The following SEM1 variants were observed in gnomAD, a reference collection of about 807,000 sequenced individuals.
SEM1 encodes SEM1 26S proteasome subunit.
SEM1 carries 3 observed loss-of-function variants against 12.7 expected under a neutral mutation model. That is an observed-to-expected ratio of 0.24 (90% CI 0.11 to 0.61). The LOEUF is 0.61. Among genes scored for constraint, SEM1 ranks in the 20% least tolerant of loss-of-function variants. The pLI, the probability that SEM1 is intolerant of heterozygous loss-of-function variation, is 0.88. For synonymous variants in SEM1, 30 were observed against 27.8 expected, an observed-to-expected ratio of 1.08 and a Z score of -0.25; for missense variants, 59 against 81.3, an observed-to-expected ratio of 0.73 and a Z score of 1.06.
At chr7:96,629,298 T>C (rs910858698) in intron 2 of SEM1, among the ~76,000 whole-genome samples, 6 of 152,092 alleles carry the variant, frequency 3.9e-5, no homozygotes, top group Non-Finnish European at 8.8e-5. Context: ...GCAGCTATTT[T>C]CTAGATCCCG....
intron 1 of SEM1, among the ~76,000 whole-genome samples, chr7:96,491,506 G>A (rs1003023824): frequency 1.3e-5 from 2 of 152,092 alleles, no homozygotes; most frequent in East Asian, 1.9e-4. Context: ...TTATTTAGTC[G>A]TAAAGATTCG....
intron 2 of SEM1, among the ~76,000 whole-genome samples, chr7:96,568,507 GT>G (rs1437514002): frequency 3.3e-5 from 5 of 151,626 alleles, no homozygotes; most frequent in Admixed American, 6.6e-5. Flanking sequence ...ATTTCCTCAA[GT>G]TTATTTTATT....
At chr7:96,545,203 G>A (rs377380831) in intron 2 of SEM1, among the ~76,000 whole-genome samples, 46 of 151,886 alleles carry the variant, frequency 3.0e-4, no homozygotes, top group African/African-American at 1.0e-3. Flanking sequence ...TGACTCCCAG[G>A]TCCTGGGGTT....
intron 2 of SEM1, among the ~76,000 whole-genome samples, chr7:96,583,070 G>A (rs1337352171): frequency 1.6e-4 from 25 of 152,102 alleles, no homozygotes; most frequent in Non-Finnish European, 3.1e-4. Flanking sequence ...ATGTTAGGGT[G>A]TCAATTTGGA....
chr7:96,680,090 ACT>A (rs1475122752), intron 2 of SEM1, among the ~76,000 whole-genome samples: 1 of 152,048 alleles, frequency 6.6e-6, no homozygotes, highest in Non-Finnish European at 1.5e-5. Flanking sequence ...GTTGATAAAT[ACT>A]CTGACTCCCC....
At chr7:96,562,100 T>G (rs1464451722) in intron 2 of SEM1, among the ~76,000 whole-genome samples, 1 of 152,200 alleles carries the variant, frequency 6.6e-6, no homozygotes, top group Non-Finnish European at 1.5e-5. Flanking sequence ...AATGACCACA[T>G]GTAATTCATT....
intron 2 of SEM1, among the ~76,000 whole-genome samples, chr7:96,550,339 G>A (rs1005611534): frequency 6.6e-6 from 1 of 152,154 alleles, no homozygotes; most frequent in Non-Finnish European, 1.5e-5. Flanking sequence ...GAATAGCTAA[G>A]TACTATATTA....
intron 2 of SEM1, among the ~76,000 whole-genome samples, chr7:96,514,589 AG>A (rs781084098): frequency 1.4e-4 from 22 of 152,274 alleles, no homozygotes; most frequent in Non-Finnish European, 3.2e-4. Context: ...TTAATATACA[AG>A]TCAGTCACTT....
chr7:96,634,318 T>G (rs1808360751), intron 2 of SEM1, among the ~76,000 whole-genome samples: 1 of 152,138 alleles, frequency 6.6e-6, no homozygotes, highest in Non-Finnish European at 1.5e-5. Context: ...CTTCTATTTC[T>G]GTTTTACTTG....
chr7:96,519,305 A>G (rs1280625034), intron 2 of SEM1, among the ~76,000 whole-genome samples: 1 of 152,044 alleles, frequency 6.6e-6, no homozygotes, highest in Non-Finnish European at 1.5e-5. Context: ...GCGTTGCTTT[A>G]GGCATTTAGG....
intron 2 of SEM1, among the ~76,000 whole-genome samples, chr7:96,596,265 T>G (rs73708365): frequency 2.0e-5 from 3 of 152,238 alleles, no homozygotes; most frequent in Non-Finnish European, 4.4e-5. Context: ...TGGGCTGGCC[T>G]GCCTTACAAC....
intron 2 of SEM1, among the ~76,000 whole-genome samples, chr7:96,569,739 A>G (rs1018027033): frequency 6.6e-6 from 1 of 151,982 alleles, no homozygotes; most frequent in South Asian, 2.1e-4. Flanking sequence ...TCCACTCTAG[A>G]TGTCCATGTT....
At chr7:96,489,923 AATTATATCT>A (rs1347035116) in intron 1 of SEM1, among the ~76,000 whole-genome samples, 4 of 151,932 alleles carry the variant, frequency 2.6e-5, no homozygotes, top group Non-Finnish European at 5.9e-5. Flanking sequence ...TTTACACCTT[AATTATATCT>A]GCAAAGACCC....
chr7:96,574,102 C>T (rs1643558120), intron 2 of SEM1, among the ~76,000 whole-genome samples: 1 of 152,086 alleles, frequency 6.6e-6, no homozygotes, highest in Admixed American at 6.6e-5. Context: ...CACCCCACAA[C>T]AGGCCCCAGT....
intron 2 of SEM1, among the ~76,000 whole-genome samples, chr7:96,609,608 A>C (rs927810343): frequency 2.5e-4 from 38 of 152,166 alleles, no homozygotes; most frequent in African/African-American, 8.9e-4. Flanking sequence ...CTACAATACC[A>C]TGCATGCCAT....
chr7:96,541,681 G>A (rs771409783), intron 2 of SEM1, among the ~76,000 whole-genome samples: 20 of 151,318 alleles, frequency 1.3e-4, no homozygotes, highest in African/African-American at 1.7e-4. Context: ...GCCCATGTCC[G>A]GAATGATGTT....
intron 2 of SEM1, among the ~76,000 whole-genome samples, chr7:96,598,290 C>T (rs1346609802): frequency 2.6e-5 from 4 of 151,748 alleles, no homozygotes; most frequent in African/African-American, 9.7e-5. Flanking sequence ...ATAGAATGCA[C>T]AGAATTAGAA....
At chr7:96,682,512 G>T (rs1319483064) in intron 2 of SEM1, among the ~76,000 whole-genome samples, 1 of 152,002 alleles carries the variant, frequency 6.6e-6, no homozygotes, top group Non-Finnish European at 1.5e-5. Flanking sequence ...GTATGACATT[G>T]GCTGTGGGTT....
At chr7:96,605,349 G>A (rs376530491) in intron 2 of SEM1, among the ~76,000 whole-genome samples, 1 of 152,000 alleles carries the variant, frequency 6.6e-6, no homozygotes, top group African/African-American at 2.4e-5. Context: ...TCATGTGAAG[G>A]CCAACAATGA....
Sources: gnomAD v4.1 joint callset for allele counts (sites outside exome capture counted in the v4.1 genomes callset) on GRCh38, gnomAD v4.1.1 for gene constraint, MANE v1.5 for transcripts, NCBI Gene and HGNC (gene_info 2026-07-23, HGNC 2026-07-21) for gene names.